The following KIAA1328 variants were observed in gnomAD, a reference collection of about 807,000 sequenced individuals.
KIAA1328 encodes KIAA1328.
KIAA1328 carries 52 observed loss-of-function variants against 68.1 expected under a neutral mutation model. The observed-to-expected ratio is 0.76, with a 90% CI of 0.61 to 0.96. The LOEUF (loss-of-function observed/expected upper bound fraction) is 0.96. Among genes scored for constraint, KIAA1328 ranks in the 40% least tolerant of loss-of-function variants. The pLI is 0.00. For synonymous variants in KIAA1328, 232 were observed against 239.4 expected (o/e 0.97, Z 0.28); for missense variants, 641 against 677.6 (o/e 0.95, Z 0.60).
At chr18:37,136,315 A>C (rs750143354) in intron 7 of KIAA1328, among the ~76,000 whole-genome samples, 1 of 152,178 alleles carries the variant, frequency 6.6e-6, no homozygotes, top group Non-Finnish European at 1.5e-5. Context: ...GACTACTCTC[A>C]GTTCTAAAAT....
At chr18:37,181,709 A>C (rs2059701675) in intron 9 of KIAA1328, among the ~76,000 whole-genome samples, 1 of 152,176 alleles carries the variant, frequency 6.6e-6, no homozygotes, top group Admixed American at 6.5e-5. Flanking sequence ...GTACATTACA[A>C]CAGCTTATAT....
At chr18:37,053,551 C>T (rs1475093296) in intron 6 of KIAA1328, among the ~76,000 whole-genome samples, 1 of 152,016 alleles carries the variant, frequency 6.6e-6, no homozygotes, top group Non-Finnish European at 1.5e-5. Context: ...AAAAAGACAG[C>T]CTTAAGAATA....
intron 6 of KIAA1328, among the ~76,000 whole-genome samples, chr18:37,048,728 C>T (rs1484970825): frequency 6.6e-6 from 1 of 152,080 alleles, no homozygotes; most frequent in Non-Finnish European, 1.5e-5. Flanking sequence ...TGAAATTTTC[C>T]TTGTGTTCAT....
intron 7 of KIAA1328, among the ~76,000 whole-genome samples, chr18:37,139,214 C>T (rs2058714522): frequency 6.6e-6 from 1 of 152,166 alleles, no homozygotes; most frequent in African/African-American, 2.4e-5. Context: ...CTGCCCGCCT[C>T]GGCCTCCCAA....
At chr18:37,162,584 A>C (rs571533187) in intron 8 of KIAA1328, among the ~76,000 whole-genome samples, 10 of 152,216 alleles carry the variant, frequency 6.6e-5, no homozygotes, top group African/African-American at 2.4e-4. Flanking sequence ...CTTTCCATGG[A>C]TGCACAGTAG....
chr18:37,058,868 G>A (rs1414966097), intron 6 of KIAA1328, among the ~76,000 whole-genome samples: 1 of 152,012 alleles, frequency 6.6e-6, no homozygotes, highest in Non-Finnish European at 1.5e-5. Flanking sequence ...GGTACTAACT[G>A]TGTGGGGCCA....
chr18:37,074,095 C>T (rs1214435102), intron 7 of KIAA1328, among the ~76,000 whole-genome samples: 1 of 152,162 alleles, frequency 6.6e-6, no homozygotes, highest in Admixed American at 6.6e-5. Context: ...GAAAATGAGA[C>T]CACAGTTTTT....
chr18:36,914,646 G>A (rs1303627622), intron 5 of KIAA1328, among the ~76,000 whole-genome samples: 3 of 152,078 alleles, frequency 2.0e-5, no homozygotes, highest in Non-Finnish European at 2.9e-5. Flanking sequence ...CTTGAAACCA[G>A]AAGGCAGAGG....
At chr18:37,069,943 T>C (rs1433411218) in intron 7 of KIAA1328, among the ~76,000 whole-genome samples, 5 of 152,110 alleles carry the variant, frequency 3.3e-5, no homozygotes, top group African/African-American at 1.2e-4. Context: ...TTCACTTTTC[T>C]ACTGGAAGCA....
At chr18:36,856,407 C>T (rs3909692) in intron 4 of KIAA1328, among the ~76,000 whole-genome samples, 43,164 of 151,996 alleles carry the variant, frequency 0.28, 6,517 homozygotes, top group South Asian at 0.46. Flanking sequence ...ATTGTCCCAC[C>T]TTCAAGTTTG....
intron 9 of KIAA1328, among the ~76,000 whole-genome samples, chr18:37,178,855 C>G (rs1434452125): frequency 6.6e-6 from 1 of 152,060 alleles, no homozygotes; most frequent in African/African-American, 2.4e-5. Context: ...TTCATGTACC[C>G]GTTAGCCATT....
At chr18:37,064,450 ATTTGTT>A in intron 6 of KIAA1328, among the ~76,000 whole-genome samples, 1 of 150,830 alleles carries the variant, frequency 6.6e-6, no homozygotes, top group Non-Finnish European at 1.5e-5. Context: ...ATTCTCATTC[ATTTGTT>A]TTATGTCTGT....
At chr18:36,944,675 A>G (rs1018008461) in intron 5 of KIAA1328, among the ~76,000 whole-genome samples, 2 of 152,188 alleles carry the variant, frequency 1.3e-5, no homozygotes, top group Non-Finnish European at 2.9e-5. Context: ...GGGTAAAGAA[A>G]AGGATATCAG....
chr18:37,114,885 A>G (rs943782305), intron 7 of KIAA1328, among the ~76,000 whole-genome samples: 1 of 152,158 alleles, frequency 6.6e-6, no homozygotes, highest in African/African-American at 2.4e-5. Flanking sequence ...TACTATAAAC[A>G]CCTCTACGCA....
intron 4 of KIAA1328, among the ~76,000 whole-genome samples, chr18:36,877,663 C>CTTTT (rs908999170): frequency 4.3e-5 from 5 of 116,006 alleles, no homozygotes; most frequent in Non-Finnish European, 7.3e-5. Context: ...CAGTCTGTGT[C>CTTTT]TTTTTTTTTT....
chr18:37,024,954 C>T (rs967004909), intron 6 of KIAA1328, among the ~76,000 whole-genome samples: 11 of 152,174 alleles, frequency 7.2e-5, no homozygotes, highest in Admixed American at 7.2e-4. Context: ...AATTGCCACA[C>T]TGTCTTCCAC....
intron 5 of KIAA1328, 83 bp from the exon 6 acceptor site, chr18:36,959,225 G>C: frequency 7.7e-7 from 1 of 1,305,508 alleles, no homozygotes; most frequent in East Asian, 2.7e-5. Context: ...GTTCTGTTTT[G>C]TTTATTGGAA....
At chr18:36,974,220 A>G (rs2052368891) in intron 6 of KIAA1328, among the ~76,000 whole-genome samples, 1 of 152,088 alleles carries the variant, frequency 6.6e-6, no homozygotes, top group African/African-American at 2.4e-5. Flanking sequence ...TTACATGGCT[A>G]TATTATGTAG....
Position 37,223,466 on chromosome 18 carries a change from A to C in KIAA1328, c.*1239A>C, listed in dbSNP as rs1416791455. ...CTAATGGGGATGATGATCCTGGTTT[A>C]GCCAGAGTTCAAAACTCTCCAGTCA... is the stretch of plus-strand genomic sequence containing the variant. On this transcript the variant is annotated 3_prime_UTR_variant, in exon 10 of 10. Coordinates refer to ENST00000280020, the MANE Select transcript of KIAA1328 (RefSeq NM_020776.3). The C allele has an allele frequency of 1.0e-6, 1 of 985,298 alleles. No individual in the cohort carries two copies. The highest frequency in any genetic ancestry group is 1.2e-6 in the Non-Finnish European group (1 of 829,964). 61.0% of individuals were successfully genotyped at this position (985,298 alleles called of 1,614,324 possible). A position where few individuals can be genotyped will look rare whatever the true frequency, so the allele number is the denominator to read the frequency against.
Sources: allele counts gnomAD v4.1 joint callset (sites outside exome capture counted in the v4.1 genomes callset), GRCh38; gene constraint gnomAD v4.1.1; transcripts MANE v1.5; gene names NCBI Gene and HGNC (gene_info 2026-07-23, HGNC 2026-07-21).